PRR5L: variants seen among roughly 807,000 people sequenced by gnomAD.
The protein encoded by PRR5L is proline rich 5 like.
In PRR5L, 21 loss-of-function variants were observed where a neutral mutation model predicts 36.4. The ratio of observed to expected loss-of-function variants is 0.58; its 90% confidence interval spans 0.41 to 0.83. PRR5L has a LOEUF of 0.83. Among genes scored for constraint, PRR5L ranks in the 40% least tolerant of loss-of-function variants. The pLI is 0.00. For synonymous variants in PRR5L, 188 were observed against 197.0 expected (o/e 0.95, Z 0.38); for missense variants, 381 against 473.3 (o/e 0.80, Z 1.81).
chr11:36,349,250 C>T (rs1856901541), intron 1 of PRR5L, among the ~76,000 whole-genome samples: 1 of 143,768 alleles, frequency 7.0e-6, no homozygotes, highest in Non-Finnish European at 1.5e-5. Context: ...CACCACTGCA[C>T]TCCAGCCTGG....
At chr11:36,392,726 A>AGG (rs1857587476) in intron 1 of PRR5L, among the ~76,000 whole-genome samples, 1 of 147,894 alleles carries the variant, frequency 6.8e-6, no homozygotes, top group Non-Finnish European at 1.5e-5. Context: ...TAGTGACAGG[A>AGG]GAGAGAGACA....
chr11:36,304,375 A>C (rs1451445176), intron 1 of PRR5L, among the ~76,000 whole-genome samples: 1 of 152,236 alleles, frequency 6.6e-6, no homozygotes. Context: ...CCAAATGGCA[A>C]AAATCCCTGC....
At chr11:36,298,967 C>A (rs547991307) in intron 1 of PRR5L, among the ~76,000 whole-genome samples, 12 of 152,308 alleles carry the variant, frequency 7.9e-5, no homozygotes, top group Admixed American at 5.9e-4. Context: ...TTCATTTTAA[C>A]TTAATCACAT....
At chr11:36,335,091 T>A (rs1725978318) in intron 1 of PRR5L, among the ~76,000 whole-genome samples, 2 of 148,164 alleles carry the variant, frequency 1.3e-5, no homozygotes, top group African/African-American at 2.6e-5. Flanking sequence ...GAGTGGAGAT[T>A]TTTTTTTTCT....
At chr11:36,405,006 A>G (rs1267761716) in intron 3 of PRR5L, among the ~76,000 whole-genome samples, 1 of 152,150 alleles carries the variant, frequency 6.6e-6, no homozygotes, top group African/African-American at 2.4e-5. Context: ...TAGAAGTATA[A>G]ATAAATAAAA....
intron 1 of PRR5L, among the ~76,000 whole-genome samples, chr11:36,320,094 C>T (rs1856598300): frequency 6.6e-6 from 1 of 152,132 alleles, no homozygotes; most frequent in African/African-American, 2.4e-5. Context: ...CAAAGGCAGT[C>T]TTGTGTATTA....
At chr11:36,388,702 T>G (rs921948868) in intron 1 of PRR5L, among the ~76,000 whole-genome samples, 3 of 140,684 alleles carry the variant, frequency 2.1e-5, no homozygotes, top group African/African-American at 7.6e-5. Flanking sequence ...TTCTTTCTTT[T>G]TTTTTTTTTT....
At chr11:36,347,809 T>C (rs1476887007) in intron 1 of PRR5L, among the ~76,000 whole-genome samples, 4 of 151,814 alleles carry the variant, frequency 2.6e-5, no homozygotes, top group Non-Finnish European at 5.9e-5. Flanking sequence ...GAGGACCTGG[T>C]CTCTGCAAGA....
rs569351886 is a variant in PRR5L at position 36,315,360 on chromosome 11, A to G, written c.-126+18922A>G. Among the ~76,000 whole-genome samples, 313 of 152,280 alleles carry G rather than the reference A, an allele frequency of 2.1e-3. 1 individual carries two copies. Among genetic ancestry groups the G allele is most frequent in the African/African-American group, 7.2e-3 (299 of 41,556 alleles). ...GAAAGCATATTTGCCTCCTTTCCTG[A>G]TGTATTTTGTATTTTGATTTGATGT... On this transcript the variant is annotated intron_variant, in intron 1 of 8. Transcript: ENST00000530639.
At position 36,451,888 on chromosome 11, in the gene PRR5L, G is replaced by A. The variant is rs553348733; in HGVS notation, c.712+553G>A. Among the ~76,000 whole-genome samples, 5 of 152,222 alleles carry A rather than the reference G, an allele frequency of 3.3e-5. No homozygotes were observed. In the South Asian group the frequency reaches 8.3e-4, roughly 25 times the overall value. On this transcript the variant is annotated intron_variant, in intron 8 of 8. Transcript: ENST00000530639. Reference sequence around the variant, plus strand: ...CTGTTGGGGCCTTTTTTTGATGGCTGTAAACCTAGCATCAGTGAGTGTCAG... The same window carrying A: ...CTGTTGGGGCCTTTTTTTGATGGCTATAAACCTAGCATCAGTGAGTGTCAG...
intron 5 of PRR5L, among the ~76,000 whole-genome samples, chr11:36,434,073 AC>A (rs796687444): frequency 5.9e-5 from 9 of 152,278 alleles, no homozygotes; most frequent in African/African-American, 1.9e-4. Flanking sequence ...CACCCAAGTA[AC>A]CCTCATCATA....
rs184127153 is a variant in PRR5L at position 36,311,363 on chromosome 11, G to T, written c.-126+14925G>T. ...TTCTGGCTTGGATGGGGCAGAGCCA[G>T]GGGAGCAAATGTCTTGGTAGAGTGG... On this transcript the variant is annotated intron_variant, in intron 1 of 8. Coordinates refer to ENST00000530639, the MANE Select transcript of PRR5L (RefSeq NM_001160167.2). Among the ~76,000 whole-genome samples the T allele has an allele frequency of 1.7e-3, 264 of 152,316 alleles. 1 individual carries two copies. The highest frequency in any genetic ancestry group is 6.2e-3 in the African/African-American group (258 of 41,562).
At chr11:36,314,675 A>T (rs999486387) in intron 1 of PRR5L, among the ~76,000 whole-genome samples, 3 of 152,064 alleles carry the variant, frequency 2.0e-5, no homozygotes, top group African/African-American at 7.3e-5. Context: ...CCCTGCTCTG[A>T]CCCTCAATAT....
At chr11:36,303,120 C>T (rs1186707739) in intron 1 of PRR5L, among the ~76,000 whole-genome samples, 2 of 152,116 alleles carry the variant, frequency 1.3e-5, no homozygotes, top group African/African-American at 4.8e-5. Flanking sequence ...TGGAGGGAAG[C>T]AGGACTCTTC....
At chr11:36,454,850 TGA>T (rs1281877710) in intron 8 of PRR5L, 2 of 152,132 alleles carry the variant, frequency 1.3e-5, no homozygotes, top group Non-Finnish European at 2.9e-5. Flanking sequence ...ACGATGAGAG[TGA>T]GAGAGAACGT....
At chr11:36,339,556 C>A (rs1447503626) in intron 1 of PRR5L, among the ~76,000 whole-genome samples, 1 of 152,152 alleles carries the variant, frequency 6.6e-6, no homozygotes, top group African/African-American at 2.4e-5. Flanking sequence ...TCATGTATAT[C>A]ATTTCATTTC....
At chr11:36,408,146 C>T (rs566671852) in intron 3 of PRR5L, among the ~76,000 whole-genome samples, 25 of 152,088 alleles carry the variant, frequency 1.6e-4, no homozygotes, top group South Asian at 1.0e-3. Context: ...TGGTGGTGTG[C>T]GCCTGTAATC....
intron 1 of PRR5L, chr11:36,362,078 AT>A (rs990105957): frequency 6.7e-6 from 1 of 149,260 alleles, no homozygotes; most frequent in Non-Finnish European, 1.5e-5. Flanking sequence ...AAAAAAAGAC[AT>A]TCTGTCAGCA....
chr11:36,438,342 A>G (rs1858648494), intron 6 of PRR5L, among the ~76,000 whole-genome samples: 1 of 152,240 alleles, frequency 6.6e-6, no homozygotes, highest in Non-Finnish European at 1.5e-5. Flanking sequence ...TGGGCGTCGT[A>G]TGCAGAGGAA....
Sources: allele counts gnomAD v4.1 joint callset (sites outside exome capture counted in the v4.1 genomes callset), GRCh38; gene constraint gnomAD v4.1.1; transcripts MANE v1.5; gene names NCBI Gene and HGNC (gene_info 2026-07-23, HGNC 2026-07-21).